The following MDN1 variants were observed in gnomAD, a reference collection of about 807,000 sequenced individuals.
MDN1 encodes midasin.
Under a neutral mutation model 669.2 loss-of-function variants are expected in MDN1, and 266 were observed. The observed-to-expected ratio is 0.40, with a 90% CI of 0.36 to 0.44. The LOEUF (loss-of-function observed/expected upper bound fraction) is 0.44, where lower values mean the gene tolerates loss of function less well. Ranked by LOEUF, MDN1 falls within the 20% of genes least tolerant of loss-of-function variation. The pLI, the probability that MDN1 is intolerant of heterozygous loss-of-function variation, is 1.00. For synonymous variants in MDN1, 2,385 were observed against 2,457.1 expected (o/e 0.97, Z 0.87); for missense variants, 5,940 against 6,754.0 (o/e 0.88, Z 4.22).
chr6:89,817,399 C>A (rs150711737), intron 1 of MDN1, among the ~76,000 whole-genome samples: 2 of 152,346 alleles, frequency 1.3e-5, no homozygotes, highest in African/African-American at 4.8e-5. Context: ...ATATCAGACA[C>A]TGTATTGGAC....
chr6:89,718,562 T>C lies in MDN1; in HGVS notation c.6387A>G (p.Leu2129=). The change falls in exon 43 of 102, where the codon TTA becomes TTG. Residue 2129 remains leucine, a synonymous_variant. Coordinates refer to ENST00000369393, the MANE Select transcript of MDN1 (RefSeq NM_014611.3). ...CAGCACTGATAAGGAGGCTATCCCT[T>C]AACAGTGCCCTTACAGTTCCCTCCA... ...EKVEGTVRAL[L]RDSLLISADD... 1 of 1,614,148 alleles carries C rather than the reference T, an allele frequency of 6.2e-7. No individual in the cohort carries two copies. Among genetic ancestry groups the C allele is most frequent in the Non-Finnish European group, 8.5e-7 (1 of 1,180,028 alleles).
Position 89,771,669 on chromosome 6 carries a change from G to A in MDN1, c.2084-48C>T, listed in dbSNP as rs115321535. ...GTGTTACTCCAAAAATTTAAAGACCGATAATATCCAGTGTGCTCCTTAAGG... is the reference window on the plus strand; with the variant it reads ...GTGTTACTCCAAAAATTTAAAGACCAATAATATCCAGTGTGCTCCTTAAGG... On this transcript the variant is annotated intron_variant, in intron 14 of 101. Coordinates refer to ENST00000369393, the MANE Select transcript of MDN1 (RefSeq NM_014611.3). The A allele has an allele frequency of 3.2e-4, 478 of 1,477,550 alleles. No individual in the cohort carries two copies. In the African/African-American group the frequency reaches 6.1e-3, roughly 19 times the overall value. The allele number at this position is 1,477,550 out of a possible 1,614,324, so 91.5% of individuals were successfully genotyped here. A position where few individuals can be genotyped will look rare whatever the true frequency, so the allele number is the denominator to read the frequency against.
chr6:89,667,355 T>G (rs2128302734), intron 84 of MDN1, among the ~76,000 whole-genome samples: 1 of 152,334 alleles, frequency 6.6e-6, no homozygotes, highest in Non-Finnish European at 1.5e-5. Context: ...TTTCCAGTTT[T>G]CTCTGCCAAG....
chr6:89,643,213 C>CTGT lies in MDN1; in HGVS notation c.*789_*791dup, dbSNP rs370756731. On this transcript the variant is annotated 3_prime_UTR_variant, in exon 102 of 102. Transcript: ENST00000369393. The stretch of plus-strand genomic sequence containing the variant: ...TGTGAGGAATCACTCTTCCCCTTGA[C>CTGT]TGTTAAGAAAAAAAAAAATGAACTA... 2 of 151,732 alleles carry CTGT rather than the reference C, an allele frequency of 1.3e-5. No individual in the cohort carries two copies. Among genetic ancestry groups the CTGT allele is most frequent in the African/African-American group, 4.8e-5 (2 of 41,258 alleles). 9.4% of individuals were successfully genotyped at this position (151,732 alleles called of 1,614,324 possible).
intron 85 of MDN1, 22 bp downstream of exon 85, chr6:89,664,465 G>T: frequency 6.2e-7 from 1 of 1,610,884 alleles, no homozygotes; most frequent in Non-Finnish European, 8.5e-7. Flanking sequence ...AAACAAGAAT[G>T]AAGTGACAGA....
At chr6:89,805,513 G>A (rs1347715598) in intron 1 of MDN1, among the ~76,000 whole-genome samples, 1 of 152,158 alleles carries the variant, frequency 6.6e-6, no homozygotes, top group Non-Finnish European at 1.5e-5. Context: ...CTGCACTCCA[G>A]CCTGGGTGAC....
rs377688621 is a variant in MDN1, at chr6:89,756,399, C to G, written c.2703-9G>C. On this transcript the variant is annotated splice_polypyrimidine_tract_variant and intron_variant, in intron 19 of 101. Coordinates refer to ENST00000369393, the MANE Select transcript of MDN1 (RefSeq NM_014611.3). The stretch of plus-strand genomic sequence containing the variant: ...CATAAAGTTCTGTGAACCTGTAAAA[C>G]AATACATAATAAACACTTTTTAGGA... The G allele has an allele frequency of 1.6e-4, 210 of 1,337,262 alleles. 1 individual carries two copies. The African/African-American group carries it at 2.7e-3, about 17-fold the overall frequency. The allele number at this position is 1,337,262 out of a possible 1,614,324, so 82.8% of individuals were successfully genotyped here.
chr6:89,789,643 C>G, intron 7 of MDN1, 137 bp downstream of exon 7: 1 of 988,650 alleles, frequency 1.0e-6, no homozygotes, highest in Non-Finnish European at 1.5e-6. Context: ...AGGTAAGTAA[C>G]CATGAAGTAC....
At chr6:89,751,328 G>T in intron 23 of MDN1, 103 bp downstream of exon 23, 2 of 1,376,084 alleles carry the variant, frequency 1.5e-6, no homozygotes, top group Non-Finnish European at 2.0e-6. Flanking sequence ...GTTGGCCAAT[G>T]AATAAGAATA....
intron 17 of MDN1, among the ~76,000 whole-genome samples, chr6:89,761,120 TG>T (rs1817523057): frequency 6.6e-6 from 1 of 152,028 alleles, no homozygotes; most frequent in African/African-American, 2.4e-5. Flanking sequence ...GAGCCGAGAC[TG>T]TGCCACTGCA....
intron 85 of MDN1, among the ~76,000 whole-genome samples, chr6:89,663,716 T>C (rs1464666089): frequency 6.6e-6 from 1 of 151,686 alleles, no homozygotes; most frequent in East Asian, 1.9e-4. Flanking sequence ...GGGCGGATCA[T>C]GATGTCAGGA....
At chr6:89,754,709 T>G (rs1817145204) in intron 20 of MDN1, among the ~76,000 whole-genome samples, 1 of 149,166 alleles carries the variant, frequency 6.7e-6, no homozygotes, top group African/African-American at 2.4e-5. Context: ...ACTACCACAC[T>G]TTAGAAGTCC....
chr6:89,737,135 A>C (rs1436100364), intron 33 of MDN1, among the ~76,000 whole-genome samples: 4 of 152,170 alleles, frequency 2.6e-5, no homozygotes, highest in African/African-American at 9.6e-5. Context: ...TCAACAAGGC[A>C]TGGGGAATTC....
chr6:89,799,253 A>G (rs1767475754), intron 2 of MDN1, among the ~76,000 whole-genome samples: 1 of 152,230 alleles, frequency 6.6e-6, no homozygotes, highest in Non-Finnish European at 1.5e-5. Context: ...GACTGGGCCC[A>G]CCCACTATTG....
chr6:89,809,784 T>TAAATA (rs58439361), intron 1 of MDN1, among the ~76,000 whole-genome samples: 30,462 of 112,348 alleles, frequency 0.27, 4,953 homozygotes, highest in Middle Eastern at 0.38. Context: ...TCAAAATAAA[T>TAAATA]AAATAAAATA....
rs545771392 is a variant in MDN1 at position 89,688,086 on chromosome 6, T to C, written c.11347A>G (p.Lys3783Glu). The change falls in exon 67 of 102, where the codon AAG becomes GAG. Residue 3783 changes from lysine to glutamate, a missense_variant. This residue lies in a region of MDN1 where 2,280 missense variants were observed against 2,576.3 expected (regional missense o/e 0.88). Coordinates refer to ENST00000369393, the MANE Select transcript of MDN1 (RefSeq NM_014611.3). ...GAGAGGTATTAGCTCACCTGTGCCT[T>C]TGCCAGAAGGATCTCTAAGCCATTC... ...FLNGLEILLA[K>E]AQDWEENASR... The C allele has an allele frequency of 2.5e-6, 4 of 1,613,750 alleles. No individual in the cohort carries two copies. The South Asian group carries it at 4.4e-5, about 18-fold the overall frequency.
At chr6:89,773,115 T>C (rs1818188233) in intron 13 of MDN1, among the ~76,000 whole-genome samples, 1 of 152,240 alleles carries the variant, frequency 6.6e-6, no homozygotes, top group Non-Finnish European at 1.5e-5. Context: ...CCAGATCCTA[T>C]GAATGTGACC....
At chr6:89,667,765 TAAA>T (rs568770733) in intron 84 of MDN1, among the ~76,000 whole-genome samples, 1 of 146,902 alleles carries the variant, frequency 6.8e-6, no homozygotes, top group Non-Finnish European at 1.5e-5. Context: ...TCTGCCCATT[TAAA>T]AAAAAAAAGT....
chr6:89,672,242 C>T lies in MDN1; in HGVS notation c.13752G>A (p.Arg4584=), dbSNP rs1810847301. The stretch of plus-strand genomic sequence containing the variant: ...TGCCATCCTCACCGTACGATTTCAG[C>T]CTCTCCAACAGCTCGGAGATGGCAG... ...IISAISELLE[R]LKSYGEDGTA... The change falls in exon 82 of 102, where the codon AGG becomes AGA. Residue 4584 remains arginine (R), a synonymous_variant. Transcript: ENST00000369393. The T allele has an allele frequency of 1.2e-6, 2 of 1,606,208 alleles. No homozygotes were observed. The highest frequency in any genetic ancestry group is 2.7e-5 in the African/African-American group (2 of 74,404).
Sources: allele counts gnomAD v4.1 joint callset (sites outside exome capture counted in the v4.1 genomes callset), GRCh38; gene constraint gnomAD v4.1.1; regional missense constraint gnomAD v4.1.1; transcripts MANE v1.5; gene names NCBI Gene and HGNC (gene_info 2026-07-23, HGNC 2026-07-21).